The following SHC4 variants were observed in gnomAD, a reference collection of about 807,000 sequenced individuals.
SHC4 encodes the protein SHC adaptor protein 4.
In SHC4, 41 loss-of-function variants were observed where a neutral mutation model predicts 69.4. That is an observed-to-expected ratio of 0.59 (90% CI 0.46 to 0.77). The LOEUF (loss-of-function observed/expected upper bound fraction) is 0.77. SHC4 is among the 30% of genes least tolerant of loss of function. The pLI is 0.00. For missense variants in SHC4, 777 were observed against 783.8 expected, an observed-to-expected ratio of 0.99 and a Z score of 0.10; for synonymous variants, 318 against 299.3, an observed-to-expected ratio of 1.06 and a Z score of -0.64.
At chr15:48,843,787 C>A (rs1020198594) in intron 9 of SHC4, among the ~76,000 whole-genome samples, 199 bp from the exon 10 acceptor site, 17 of 152,146 alleles carry the variant, frequency 1.1e-4, no homozygotes, top group African/African-American at 3.9e-4. Flanking sequence ...TTTCACTGGG[C>A]TTCTTTCCCT....
In SHC4 at chr15:48,857,707, T is replaced by C. The variant is rs1443130661; in HGVS notation, c.1055A>G (p.Asn352Ser). The C allele has an allele frequency of 3.1e-6, 5 of 1,600,158 alleles. No individual in the cohort carries two copies. In the East Asian group the frequency reaches 1.1e-4, roughly 36 times the overall value. ...CTTGGCTGACCTTTCACAAGAAGTA[T>C]TCAAAGAAGGATTTTTCAAGTACTG... ...FKQYLKNPSL[N>S]TSCESEEVHI... Residue 352 changes from asparagine to serine, a missense_variant, in exon 7 of 12, where the codon AAT becomes AGT. Transcript: ENST00000332408.
chr15:48,913,631 C>T (rs1900553480), intron 2 of SHC4, among the ~76,000 whole-genome samples: 2 of 152,148 alleles, frequency 1.3e-5, no homozygotes. Flanking sequence ...TTCTCACCCC[C>T]TTCAAATTGT....
At chr15:48,905,481 T>C (rs1900391281) in intron 2 of SHC4, among the ~76,000 whole-genome samples, 1 of 152,210 alleles carries the variant, frequency 6.6e-6, no homozygotes, top group Admixed American at 6.5e-5. Flanking sequence ...CTATTCTTAC[T>C]TGCATTGTAA....
intron 6 of SHC4, among the ~76,000 whole-genome samples, chr15:48,865,987 G>C (rs1338202373): frequency 6.6e-6 from 1 of 152,172 alleles, no homozygotes; most frequent in East Asian, 1.9e-4. Flanking sequence ...ATTAATCTTT[G>C]AACTCTTCAC....
intron 2 of SHC4, among the ~76,000 whole-genome samples, chr15:48,894,109 T>C (rs1039307318): frequency 6.6e-6 from 1 of 152,144 alleles, no homozygotes; most frequent in Admixed American, 6.6e-5. Flanking sequence ...AAAATAAATA[T>C]TGCCACTCGG....
chr15:48,865,325 T>A (rs1899539474), intron 6 of SHC4, among the ~76,000 whole-genome samples: 1 of 152,172 alleles, frequency 6.6e-6, no homozygotes, highest in Non-Finnish European at 1.5e-5. Context: ...CAGTGTCTTC[T>A]CACAGGATTT....
At chr15:48,950,751 G>A (rs895250628) in intron 1 of SHC4, among the ~76,000 whole-genome samples, 1 of 152,132 alleles carries the variant, frequency 6.6e-6, no homozygotes, top group African/African-American at 2.4e-5. Context: ...ACAACAGGGA[G>A]GCACCATTCA....
chr15:48,852,961 TA>T (rs1456964824), intron 8 of SHC4, among the ~76,000 whole-genome samples: 2 of 148,906 alleles, frequency 1.3e-5, no homozygotes, highest in African/African-American at 2.5e-5. Flanking sequence ...AAATAAAAAA[TA>T]AAAAAATTTA....
At position 48,825,246 on chromosome 15, in the gene SHC4, A is replaced by T. The variant is rs1358688649; in HGVS notation, c.*725T>A. The T allele has an allele frequency of 6.6e-6, 1 of 152,034 alleles. No individual in the cohort carries two copies. Among genetic ancestry groups the T allele is most frequent in the Non-Finnish European group, 1.5e-5 (1 of 68,002 alleles). 9.4% of individuals were successfully genotyped at this position (152,034 alleles called of 1,614,324 possible). On this transcript the variant is annotated 3_prime_UTR_variant, in exon 12 of 12. Transcript: ENST00000332408. ...AATGACTGATAGATTTGGCTTCTTCAGCTTGTCACATGCTGTATTTAGACA... is the reference window on the plus strand; with the variant it reads ...AATGACTGATAGATTTGGCTTCTTCTGCTTGTCACATGCTGTATTTAGACA...
Position 48,872,141 on chromosome 15 carries a change from A to C in SHC4, c.842T>G (p.Ile281Ser). The C allele has an allele frequency of 6.4e-7, 1 of 1,568,446 alleles. No homozygotes were observed. Among genetic ancestry groups the C allele is most frequent in the South Asian group, 1.1e-5 (1 of 87,772 alleles). Residue 281 changes from isoleucine (I) to serine (S), a missense_variant and splice_region_variant, in exon 5 of 12, where the codon ATT becomes AGT. Transcript: ENST00000332408. ...AGACTGCATATGATGATTTGCAATA[A>C]TCTGAAAAACATAAACATGTATACT... ...LTLMNLDNQQ[I>S]IANHHMQSIS...
chr15:48,889,928 C>T (rs1460655753), intron 3 of SHC4, among the ~76,000 whole-genome samples: 1 of 152,228 alleles, frequency 6.6e-6, no homozygotes, highest in African/African-American at 2.4e-5. Flanking sequence ...ATCTCAAGAG[C>T]TTTTGCATTG....
At chr15:48,923,358 C>A (rs1655350776) in intron 2 of SHC4, among the ~76,000 whole-genome samples, 2 of 152,088 alleles carry the variant, frequency 1.3e-5, no homozygotes, top group Non-Finnish European at 2.9e-5. Context: ...CAAGACCAGC[C>A]TGGCCAACAT....
At chr15:48,929,783 C>A (rs147707607) in intron 1 of SHC4, among the ~76,000 whole-genome samples, 2 of 152,310 alleles carry the variant, frequency 1.3e-5, no homozygotes, top group Admixed American at 1.3e-4. Flanking sequence ...TTATTTGGAG[C>A]CTTACAGGAA....
At chr15:48,835,632 A>G (rs1431018404) in intron 10 of SHC4, among the ~76,000 whole-genome samples, 1 of 152,180 alleles carries the variant, frequency 6.6e-6, no homozygotes, top group African/African-American at 2.4e-5. Flanking sequence ...ATGAGGTAAA[A>G]GAAGACAAAT....
intron 3 of SHC4, among the ~76,000 whole-genome samples, chr15:48,887,067 C>T (rs186652737): frequency 7.9e-5 from 12 of 152,274 alleles, no homozygotes; most frequent in Admixed American, 4.6e-4. Flanking sequence ...CTCTCAGGAA[C>T]CCCCAGTTCT....
At chr15:48,861,967 A>T (rs1374497629) in intron 6 of SHC4, among the ~76,000 whole-genome samples, 1 of 152,176 alleles carries the variant, frequency 6.6e-6, no homozygotes, top group Admixed American at 6.5e-5. Context: ...TTTTATACTT[A>T]GAAAACCAGA....
intron 4 of SHC4, chr15:48,878,782 C>T (rs768753967): frequency 6.5e-7 from 1 of 1,542,192 alleles, no homozygotes. Flanking sequence ...TGAGGAGGGA[C>T]CCAACTTTCC....
At chr15:48,925,409 A>G (rs881815) in intron 1 of SHC4, among the ~76,000 whole-genome samples, 50,552 of 151,830 alleles carry the variant, frequency 0.33, 8,956 homozygotes, top group East Asian at 0.53. Flanking sequence ...CGCCTGGTAC[A>G]TACAAAGGCC....
intron 2 of SHC4, among the ~76,000 whole-genome samples, chr15:48,908,043 T>C (rs548415807): frequency 1.4e-3 from 213 of 152,230 alleles, no homozygotes; most frequent in Non-Finnish European, 2.6e-3. Context: ...TAAGTGGCCA[T>C]TCTAAGACCA....
Sources: allele counts gnomAD v4.1 joint callset (sites outside exome capture counted in the v4.1 genomes callset), GRCh38; gene constraint gnomAD v4.1.1; transcripts MANE v1.5; gene names NCBI Gene and HGNC (gene_info 2026-07-23, HGNC 2026-07-21).